The following TMEM232 variants were observed in gnomAD, a reference collection of about 807,000 sequenced individuals.
The protein encoded by TMEM232 is transmembrane protein 232.
In TMEM232, 80 loss-of-function variants were observed where a neutral mutation model predicts 78.8. That is an observed-to-expected ratio of 1.01 (90% CI 0.85 to 1.22). The LOEUF (loss-of-function observed/expected upper bound fraction) is 1.22. Among genes scored for constraint, TMEM232 ranks in the 50% most tolerant of loss-of-function variants. The pLI is 0.00. For missense variants in TMEM232, 881 were observed against 742.2 expected (o/e 1.19, Z -2.17); for synonymous variants, 297 against 254.3 (o/e 1.17, Z -1.60).
Position 110,419,553 on chromosome 5 carries a change from A to T in TMEM232, c.*1027T>A, listed in dbSNP as rs1756445515. Among the ~76,000 whole-genome samples the T allele has an allele frequency of 6.6e-6, 1 of 152,136 alleles. No homozygotes were observed. The highest frequency in any genetic ancestry group is 2.4e-5 in the African/African-American group (1 of 41,442). On this transcript the variant is annotated 3_prime_UTR_variant, in exon 14 of 14. Transcript: ENST00000455884. ...TAATCCCATTTAAAAGCTTCTTGAA[A>T]GGCTGGATGATTTTACAATACTGAC...
intron 2 of TMEM232, among the ~76,000 whole-genome samples, chr5:110,643,466 G>A (rs1005988822): frequency 6.6e-6 from 1 of 151,960 alleles, no homozygotes; most frequent in African/African-American, 2.4e-5. Context: ...AAGAAAAGTA[G>A]GACAAATAAG....
chr5:110,565,620 T>C (rs967810468), intron 11 of TMEM232, among the ~76,000 whole-genome samples: 1 of 152,010 alleles, frequency 6.6e-6, no homozygotes, highest in Non-Finnish European at 1.5e-5. Flanking sequence ...AGTTGGAATT[T>C]AAACGGAATT....
chr5:110,412,008 A>G (rs1335159541), intron 2 of TMEM232, among the ~76,000 whole-genome samples: 5 of 152,214 alleles, frequency 3.3e-5, no homozygotes, highest in African/African-American at 1.2e-4. Flanking sequence ...TTTTCAAAAT[A>G]ACATTCATGT....
At chr5:110,592,211 G>A (rs966391773) in intron 10 of TMEM232, among the ~76,000 whole-genome samples, 7 of 152,048 alleles carry the variant, frequency 4.6e-5, no homozygotes, top group South Asian at 2.1e-4. Flanking sequence ...AACATGAAGC[G>A]GAAATCAAAA....
In TMEM232 at chr5:110,423,105, T is replaced by C. The variant is rs368923234; in HGVS notation, c.1797+1718A>G. Among the ~76,000 whole-genome samples, 10 of 152,312 alleles carry C rather than the reference T, an allele frequency of 6.6e-5. 1 individual carries two copies. The East Asian group carries it at 7.7e-4, about 12-fold the overall frequency. ...GTCTGTTGGCTTAGAAGGAGAATTA[T>C]ATCTGTAGCTGAGGGGATGTGTTTT... On this transcript the variant is annotated intron_variant, in intron 13 of 13. Coordinates refer to ENST00000455884, the MANE Select transcript of TMEM232 (RefSeq NM_001039763.4).
chr5:110,476,054 T>C (rs1347804324), intron 12 of TMEM232, among the ~76,000 whole-genome samples: 1 of 152,030 alleles, frequency 6.6e-6, no homozygotes, highest in Non-Finnish European at 1.5e-5. Context: ...CTGTAGGTAT[T>C]GTTGGGCAAC....
rs563411112 is a variant in TMEM232 at position 110,568,584 on chromosome 5, T to A, written c.1318A>T (p.Asn440Tyr). The part of the protein sequence containing the change: ...VWTGYYGLVY[N>Y]LVKISWELQG... ...AGTTCCCATGAAATTTTCACCAGGT[T>A]ATACACTAAGCCATAGTAACCAGTC... Residue 440 changes from asparagine (N) to tyrosine (Y), a missense_variant, in exon 11 of 14, where the codon AAC becomes TAC. Coordinates refer to ENST00000455884, the MANE Select transcript of TMEM232 (RefSeq NM_001039763.4). The A allele has an allele frequency of 1.3e-6, 2 of 1,549,414 alleles. No individual in the cohort carries two copies. The highest frequency in any genetic ancestry group is 2.4e-5 in the South Asian group (2 of 83,952).
At chr5:110,602,449 A>T (rs992726040) in intron 10 of TMEM232, among the ~76,000 whole-genome samples, 10 of 151,586 alleles carry the variant, frequency 6.6e-5, no homozygotes, top group African/African-American at 2.4e-4. Flanking sequence ...CAAATTTACA[A>T]GAAAAAAAAA....
At chr5:110,458,083 C>T (rs1347512226) in intron 12 of TMEM232, among the ~76,000 whole-genome samples, 1 of 151,928 alleles carries the variant, frequency 6.6e-6, no homozygotes. Flanking sequence ...AATCTTTCAA[C>T]TGTTAATTTT....
At chr5:110,728,549 T>C (rs892063551), upstream of TMEM232, among the ~76,000 whole-genome samples, 1 of 151,704 alleles carries the variant, frequency 6.6e-6, no homozygotes, top group Non-Finnish European at 1.5e-5. Flanking sequence ...ATTAAGCTAA[T>C]AGGAGACCCA....
chr5:110,627,550 G>C (rs1163096132), intron 6 of TMEM232, among the ~76,000 whole-genome samples: 1 of 151,968 alleles, frequency 6.6e-6, no homozygotes, highest in African/African-American at 2.4e-5. Flanking sequence ...GGAAAAAAAA[G>C]TAGAGTCAGA....
chr5:110,411,427 C>G (rs1278955137), intron 2 of TMEM232, among the ~76,000 whole-genome samples: 1 of 152,022 alleles, frequency 6.6e-6, no homozygotes, highest in African/African-American at 2.4e-5. Flanking sequence ...TATCTCTTTT[C>G]CTTTTCAAAA....
At chr5:110,729,362 G>A (rs1332728638), upstream of TMEM232, among the ~76,000 whole-genome samples, 3 of 151,894 alleles carry the variant, frequency 2.0e-5, no homozygotes, top group Non-Finnish European at 2.9e-5. Flanking sequence ...TCACACAAAC[G>A]CATACCACCC....
chr5:110,485,470 C>T (rs1439917157), intron 12 of TMEM232, among the ~76,000 whole-genome samples: 2 of 152,080 alleles, frequency 1.3e-5, no homozygotes, highest in East Asian at 1.9e-4. Flanking sequence ...CTAACTCTTG[C>T]AGGCCAAGTC....
intron 11 of TMEM232, among the ~76,000 whole-genome samples, chr5:110,563,374 A>G (rs1385261709): frequency 6.6e-6 from 1 of 151,948 alleles, no homozygotes; most frequent in Non-Finnish European, 1.5e-5. Context: ...GGCTCTGAAA[A>G]TGGCATATAA....
chr5:110,588,820 T>C (rs972118634), intron 10 of TMEM232, among the ~76,000 whole-genome samples: 4 of 152,154 alleles, frequency 2.6e-5, no homozygotes, highest in Admixed American at 1.3e-4. Flanking sequence ...ATTTGTGCAT[T>C]AGATGAGTGC....
chr5:110,496,909 T>C lies in TMEM232; in HGVS notation c.1703+31679A>G, dbSNP rs116471924. 7.6e-3 allele frequency among the ~76,000 whole-genome samples: 1,153 copies of C among 152,168 alleles called. 14 individuals carry two copies. The highest frequency in any genetic ancestry group is 0.023 in the African/African-American group (972 of 41,564). On this transcript the variant is annotated intron_variant, in intron 12 of 13. Transcript: ENST00000455884. ...AACAAAATAAATCCATATTTTGGTA[T>C]TGAATGAAAAAGTACTTTTTCTTAA...
intron 10 of TMEM232, among the ~76,000 whole-genome samples, chr5:110,602,196 G>A (rs527776454): frequency 6.6e-6 from 1 of 152,218 alleles, no homozygotes; most frequent in Non-Finnish European, 1.5e-5. Flanking sequence ...AAAAACCCTA[G>A]AAGAAAACCT....
intron 12 of TMEM232, among the ~76,000 whole-genome samples, chr5:110,425,971 G>T (rs1455975470): frequency 6.6e-6 from 1 of 152,044 alleles, no homozygotes; most frequent in Non-Finnish European, 1.5e-5. Flanking sequence ...AAGTGGTTTT[G>T]CCTGGTTTCT....
Sources: gnomAD v4.1 joint callset for allele counts (sites outside exome capture counted in the v4.1 genomes callset) on GRCh38, gnomAD v4.1.1 for gene constraint, MANE v1.5 for transcripts, NCBI Gene and HGNC (gene_info 2026-07-23, HGNC 2026-07-21) for gene names.